MICU1: variants seen among roughly 807,000 people sequenced by gnomAD.
The protein encoded by MICU1 is mitochondrial calcium uptake 1, also known as calcium uptake protein 1, mitochondrial.
A neutral mutation model predicts 56.8 loss-of-function variants in MICU1; 45 were observed. The observed-to-expected ratio is 0.79, with a 90% CI of 0.62 to 1.02. The LOEUF (loss-of-function observed/expected upper bound fraction) is 1.02. Among genes scored for constraint, MICU1 ranks in the 50% least tolerant of loss-of-function variants. The pLI, the probability that MICU1 is intolerant of heterozygous loss-of-function variation, is 0.00. For missense variants in MICU1, 504 were observed against 587.1 expected (o/e 0.86, Z 1.46); for synonymous variants, 186 against 195.1 (o/e 0.95, Z 0.39).
At chr10:72,623,379 AAAAG>A (rs1409414957) in intron 1 of MICU1, among the ~76,000 whole-genome samples, 3 of 151,384 alleles carry the variant, frequency 2.0e-5, no homozygotes, top group Admixed American at 6.6e-5. Flanking sequence ...AAGAAAGAAA[AAAAG>A]AAAAGAAAAG....
At chr10:72,555,259 T>C (rs1476154748) in intron 3 of MICU1, among the ~76,000 whole-genome samples, 1 of 152,146 alleles carries the variant, frequency 6.6e-6, no homozygotes, top group Non-Finnish European at 1.5e-5. Flanking sequence ...GTTTACAAAA[T>C]GCTATCATCT....
At chr10:72,431,298 T>A (rs913045271) in intron 8 of MICU1, among the ~76,000 whole-genome samples, 2 of 152,028 alleles carry the variant, frequency 1.3e-5, no homozygotes, top group Non-Finnish European at 2.9e-5. Context: ...GCCAGCTAAT[T>A]TTTGCATTTT....
At position 72,385,525 on chromosome 10, in the gene MICU1, A is replaced by C. The variant is rs941010836; in HGVS notation, c.1181-9653T>G. On this transcript the variant is annotated intron_variant, in intron 10 of 11. Transcript: ENST00000361114. ...CCAAACAAACAAAAAACCAAAAAACAAAGTAAGGGTTTAAACAAAATGATT... is the reference window on the plus strand; with the variant it reads ...CCAAACAAACAAAAAACCAAAAAACCAAGTAAGGGTTTAAACAAAATGATT... 2.0e-5 allele frequency among the ~76,000 whole-genome samples: 3 copies of C among 152,164 alleles called. No individual in the cohort carries two copies. The South Asian group carries it at 6.2e-4, about 31-fold the overall frequency.
Position 72,549,113 on chromosome 10 carries a change from A to T in MICU1, c.493+2066T>A, listed in dbSNP as rs189034034. Among the ~76,000 whole-genome samples, 44 of 151,920 alleles carry T rather than the reference A, an allele frequency of 2.9e-4. 2 individuals carry two copies. The East Asian group carries it at 7.7e-3, about 27-fold the overall frequency. ...TAATAATGTGGGCAAAATATTACGAACTTTCTGGTTAGAAAATGACATAAA... is the reference window on the plus strand; with the variant it reads ...TAATAATGTGGGCAAAATATTACGATCTTTCTGGTTAGAAAATGACATAAA... On this transcript the variant is annotated intron_variant, in intron 4 of 11. Transcript: ENST00000361114.
chr10:72,512,097 G>GTTTTTT (rs1867471926), intron 5 of MICU1, among the ~76,000 whole-genome samples: 6 of 100,688 alleles, frequency 6.0e-5, no homozygotes, highest in African/African-American at 1.7e-4. Context: ...TCCATACACA[G>GTTTTTT]TTGTTTTTTG....
At chr10:72,574,920 G>A (rs544211682) in intron 1 of MICU1, among the ~76,000 whole-genome samples, 1 of 145,728 alleles carries the variant, frequency 6.9e-6, no homozygotes, top group Non-Finnish European at 1.5e-5. Flanking sequence ...CTGGACAAGT[G>A]CGCTCAAAAA....
At chr10:72,596,584 C>T (rs182908915) in intron 1 of MICU1, among the ~76,000 whole-genome samples, 1 of 152,064 alleles carries the variant, frequency 6.6e-6, no homozygotes, top group African/African-American at 2.4e-5. Flanking sequence ...AAAAATCCAA[C>T]ACAGGGCCAG....
chr10:72,390,174 C>T (rs1265846217), intron 10 of MICU1, among the ~76,000 whole-genome samples: 1 of 149,012 alleles, frequency 6.7e-6, no homozygotes, highest in Non-Finnish European at 1.5e-5. Context: ...GTAGGAGGGG[C>T]AAACAGAAAA....
intron 4 of MICU1, among the ~76,000 whole-genome samples, chr10:72,550,532 T>C (rs1840010198): frequency 6.6e-6 from 1 of 152,224 alleles, no homozygotes; most frequent in Admixed American, 6.5e-5. Context: ...GGACAATGAA[T>C]TAGTGAATAT....
chr10:72,595,243 G>C (rs2132535587), intron 1 of MICU1, among the ~76,000 whole-genome samples: 1 of 151,560 alleles, frequency 6.6e-6, no homozygotes, highest in South Asian at 2.1e-4. Context: ...CTTAAGGTTA[G>C]GAGTCTGAGA....
chr10:72,381,695 G>A (rs1403039719), intron 10 of MICU1, among the ~76,000 whole-genome samples: 5 of 152,124 alleles, frequency 3.3e-5, no homozygotes, highest in African/African-American at 7.2e-5. Flanking sequence ...GACACACCAC[G>A]GAGAAGATCT....
At chr10:72,477,667 A>G in intron 6 of MICU1, 1 of 857,588 alleles carries the variant, frequency 1.2e-6, no homozygotes, top group Non-Finnish European at 1.8e-6. Flanking sequence ...GAAACACTAC[A>G]TCTTAGTCTT....
chr10:72,547,279 T>C (rs1839919714), intron 4 of MICU1, among the ~76,000 whole-genome samples: 1 of 152,004 alleles, frequency 6.6e-6, no homozygotes, highest in South Asian at 2.1e-4. Context: ...CCTCAAGCGG[T>C]CCTCCTGCCA....
intron 8 of MICU1, among the ~76,000 whole-genome samples, chr10:72,453,340 C>A (rs1865354308): frequency 6.6e-6 from 1 of 152,080 alleles, no homozygotes; most frequent in African/African-American, 2.4e-5. Context: ...CAAGAATATA[C>A]CACGATATTC....
At chr10:72,451,670 G>A (rs1865303437) in intron 8 of MICU1, among the ~76,000 whole-genome samples, 1 of 151,948 alleles carries the variant, frequency 6.6e-6, no homozygotes, top group African/African-American at 2.4e-5. Context: ...AGCCTCCCAC[G>A]TAGTTGGGAT....
intron 8 of MICU1, among the ~76,000 whole-genome samples, chr10:72,439,210 G>A (rs1356068278): frequency 6.6e-6 from 1 of 152,176 alleles, no homozygotes; most frequent in East Asian, 1.9e-4. Context: ...CCACGATCAA[G>A]TTGGCTTCAT....
chr10:72,416,733 C>T (rs576045268), intron 9 of MICU1, among the ~76,000 whole-genome samples: 5 of 152,084 alleles, frequency 3.3e-5, no homozygotes, highest in Non-Finnish European at 5.9e-5. Context: ...AGGCCAAGTT[C>T]GAATTGTACT....
chr10:72,465,747 C>T (rs1271458678), intron 8 of MICU1, among the ~76,000 whole-genome samples: 1 of 151,956 alleles, frequency 6.6e-6, no homozygotes, highest in African/African-American at 2.4e-5. Flanking sequence ...CTCCTGACCT[C>T]AGGTGATCTG....
At chr10:72,595,425 C>G (rs1332719633) in intron 1 of MICU1, among the ~76,000 whole-genome samples, 1 of 136,568 alleles carries the variant, frequency 7.3e-6, no homozygotes, top group African/African-American at 2.8e-5. Flanking sequence ...GCACTCCAAC[C>G]TGGGTGACAG....
Sources: gnomAD v4.1 joint callset for allele counts (sites outside exome capture counted in the v4.1 genomes callset) on GRCh38, gnomAD v4.1.1 for gene constraint, MANE v1.5 for transcripts, NCBI Gene and HGNC (gene_info 2026-07-23, HGNC 2026-07-21) for gene names.